Variants in COP1 observed in about 807,000 individuals in gnomAD.
COP1 encodes the protein COP1 E3 ubiquitin ligase, also known as E3 ubiquitin-protein ligase COP1.
Under a neutral mutation model 101.3 loss-of-function variants are expected in COP1, and 24 were observed. The observed-to-expected ratio is 0.24, with a 90% CI of 0.17 to 0.33. The LOEUF is 0.33. Ranked by LOEUF, COP1 falls within the 10% of genes least tolerant of loss-of-function variation. COP1 has a pLI of 1.00. For synonymous variants in COP1, 347 were observed against 341.9 expected, an observed-to-expected ratio of 1.01 and a Z score of -0.17; for missense variants, 663 against 906.2, an observed-to-expected ratio of 0.73 and a Z score of 3.45.
chr1:176,096,420 C>T (rs1682383796), intron 9 of COP1, among the ~76,000 whole-genome samples: 1 of 152,202 alleles, frequency 6.6e-6, no homozygotes, highest in African/African-American at 2.4e-5. Context: ...GGTGCATGGC[C>T]ATGTCTGCCA....
intron 1 of COP1, among the ~76,000 whole-genome samples, chr1:176,204,913 G>A (rs896075771): frequency 1.3e-5 from 2 of 152,116 alleles, no homozygotes; most frequent in Non-Finnish European, 1.5e-5. Flanking sequence ...GAGTGACAGA[G>A]CAAGACTCCG....
intron 6 of COP1, among the ~76,000 whole-genome samples, chr1:176,143,394 T>C (rs149556086): frequency 2.0e-5 from 3 of 152,182 alleles, no homozygotes; most frequent in African/African-American, 7.2e-5. Flanking sequence ...CAATCACAGG[T>C]CTAGACTGCT....
At chr1:176,105,352 C>T (rs142299320) in intron 9 of COP1, among the ~76,000 whole-genome samples, 1 of 152,060 alleles carries the variant, frequency 6.6e-6, no homozygotes, top group East Asian at 1.9e-4. Flanking sequence ...AATATCACAA[C>T]GAAAATTGAA....
At position 176,207,269 on chromosome 1, in the gene COP1, G is replaced by A. The variant is rs1700965986; in HGVS notation, c.-291C>T. The A allele has an allele frequency of 2.6e-6, 1 of 387,984 alleles. No individual in the cohort carries two copies. 24.0% of individuals were successfully genotyped at this position (387,984 alleles called of 1,614,324 possible). A position where few individuals can be genotyped will look rare whatever the true frequency, so the allele number is the denominator to read the frequency against. On this transcript the variant is annotated 5_prime_UTR_variant, in exon 1 of 20. In the 5' UTR this introduces an upstream ATG that the reference lacks. Coordinates refer to ENST00000367669, the MANE Select transcript of COP1 (RefSeq NM_022457.7). ...CAACCCCGGCGCGCCGTGGCCGGCC[G>A]TGCGCGCGCGCGCGAGCGGCGGAAG...
chr1:176,064,511 T>A (rs1675558075), intron 11 of COP1, among the ~76,000 whole-genome samples: 1 of 152,182 alleles, frequency 6.6e-6, no homozygotes, highest in Non-Finnish European at 1.5e-5. Context: ...AATAGCCCTA[T>A]CAACATTAGT....
At chr1:176,129,676 T>C (rs761011177) in intron 8 of COP1, among the ~76,000 whole-genome samples, 13 of 151,802 alleles carry the variant, frequency 8.6e-5, no homozygotes, top group Non-Finnish European at 1.9e-4. Context: ...TAATACATCA[T>C]TTTTCAAACT....
In COP1 at chr1:176,135,714, TACTA is replaced by T. The variant is rs140539366; in HGVS notation, c.892-632_892-629del. Among the ~76,000 whole-genome samples the T allele has an allele frequency of 5.5e-3, 830 of 152,116 alleles. 10 individuals carry two copies. Among genetic ancestry groups the T allele is most frequent in the African/African-American group, 0.019 (790 of 41,528 alleles). On this transcript the variant is annotated intron_variant, in intron 7 of 19. Transcript: ENST00000367669. ...TGACAACCTAGCTTCCTTTTTTATG[TACTA>T]ACTTTGATTAATGAAAAAATAGCAA...
At chr1:176,055,359 C>T (rs1490192318) in intron 11 of COP1, among the ~76,000 whole-genome samples, 2 of 152,132 alleles carry the variant, frequency 1.3e-5, no homozygotes, top group African/African-American at 4.8e-5. Context: ...CGCTTAAACC[C>T]GGGAAGAGGA....
chr1:176,124,439 G>A (rs1387907314), intron 8 of COP1, among the ~76,000 whole-genome samples: 2 of 118,038 alleles, frequency 1.7e-5, no homozygotes, highest in East Asian at 2.8e-4. Context: ...CCCTTTCCCA[G>A]CTTCTGGTAA....
At chr1:176,113,638 T>TA (rs1166970300) in intron 9 of COP1, among the ~76,000 whole-genome samples, 2 of 151,960 alleles carry the variant, frequency 1.3e-5, no homozygotes, top group African/African-American at 2.4e-5. Flanking sequence ...AAAGACCAAT[T>TA]AAAAAAACAC....
chr1:176,185,937 C>T (rs1380149855), intron 1 of COP1, among the ~76,000 whole-genome samples: 1 of 152,140 alleles, frequency 6.6e-6, no homozygotes, highest in Non-Finnish European at 1.5e-5. Context: ...TGGGCATAAA[C>T]ACTATCCCTT....
At position 176,054,307 on chromosome 1, in the gene COP1, G is replaced by A. The variant is rs150955445; in HGVS notation, c.1278-7983C>T. Among the ~76,000 whole-genome samples the A allele has an allele frequency of 2.2e-3, 340 of 151,608 alleles. 12 individuals are homozygous for A. In the East Asian group the frequency reaches 0.063, roughly 28 times the overall value. ...CTCCCAAGTAGCTGGGATTACAGGC[G>A]TGCACCACCATGCCCAGCTAATTTT... On this transcript the variant is annotated intron_variant, in intron 11 of 19. Transcript: ENST00000367669.
intron 15 of COP1, among the ~76,000 whole-genome samples, chr1:176,005,351 T>C (rs1457465632): frequency 1.3e-5 from 2 of 152,228 alleles, no homozygotes; most frequent in Non-Finnish European, 2.9e-5. Context: ...CTCTATTTCC[T>C]TCAGTTCTGC....
At chr1:175,986,353 C>G (rs1388168602) in intron 18 of COP1, among the ~76,000 whole-genome samples, 1 of 152,084 alleles carries the variant, frequency 6.6e-6, no homozygotes, top group African/African-American at 2.4e-5. Context: ...TATGAAAAAC[C>G]TTATACTTTA....
intron 9 of COP1, among the ~76,000 whole-genome samples, chr1:176,109,601 A>T (rs984405051): frequency 2.0e-5 from 3 of 152,178 alleles, no homozygotes; most frequent in Non-Finnish European, 4.4e-5. Flanking sequence ...CCTTAAAAAA[A>T]ACTACTGGGA....
intron 11 of COP1, among the ~76,000 whole-genome samples, chr1:176,046,831 T>C (rs1181180099): frequency 6.6e-6 from 1 of 152,034 alleles, no homozygotes; most frequent in African/African-American, 2.4e-5. Flanking sequence ...GGAATACATA[T>C]AACAGAACCA....
intron 15 of COP1, among the ~76,000 whole-genome samples, chr1:176,002,711 A>G (rs1298428487): frequency 2.0e-5 from 3 of 148,062 alleles, no homozygotes; most frequent in Admixed American, 1.4e-4. Context: ...GCTGCATAGT[A>G]TTCCATGGTG....
At chr1:176,087,944 T>C (rs1330622709) in intron 9 of COP1, among the ~76,000 whole-genome samples, 3 of 152,196 alleles carry the variant, frequency 2.0e-5, no homozygotes, top group African/African-American at 4.8e-5. Flanking sequence ...GATGAGTTCA[T>C]GTCCTTTGTA....
intron 12 of COP1, among the ~76,000 whole-genome samples, chr1:176,045,623 A>AT (rs1671390825): frequency 3.3e-5 from 5 of 151,054 alleles, no homozygotes; most frequent in South Asian, 4.2e-4. Context: ...TTCTTCTGAG[A>AT]TTTTTTGGGG....
Sources: gnomAD v4.1 joint callset for allele counts (sites outside exome capture counted in the v4.1 genomes callset) on GRCh38, gnomAD v4.1.1 for gene constraint, MANE v1.5 for transcripts, NCBI Gene and HGNC (gene_info 2026-07-23, HGNC 2026-07-21) for gene names.